ADRA1A: variants seen among roughly 807,000 people sequenced by gnomAD.
ADRA1A encodes alpha-1A adrenergic receptor.
A neutral mutation model predicts 29.6 loss-of-function variants in ADRA1A; 31 were observed. The observed-to-expected ratio is 1.05, with a 90% CI of 0.79 to 1.41. The LOEUF (loss-of-function observed/expected upper bound fraction) is 1.41. Ranked by LOEUF, ADRA1A falls within the 40% of genes most tolerant of loss-of-function variation. ADRA1A has a pLI of 0.00. For synonymous variants in ADRA1A, 311 were observed against 254.3 expected (o/e 1.22, Z -2.12); for missense variants, 619 against 601.1 (o/e 1.03, Z -0.31).
chr8:26,785,994 C>T (rs1285850234), intron 2 of ADRA1A, among the ~76,000 whole-genome samples: 3 of 152,070 alleles, frequency 2.0e-5, no homozygotes, highest in African/African-American at 4.8e-5. Flanking sequence ...TTGTTGATCT[C>T]CTGCATGCCT....
chr8:26,798,733 G>A (rs1808359864), intron 2 of ADRA1A, among the ~76,000 whole-genome samples: 1 of 152,076 alleles, frequency 6.6e-6, no homozygotes, highest in Non-Finnish European at 1.5e-5. Context: ...GGTTATGTAG[G>A]TTACCATTAT....
chr8:26,783,466 A>G lies in ADRA1A; in HGVS notation c.884-12800T>C, dbSNP rs1311625740. On this transcript the variant is annotated intron_variant, in intron 2 of 2. Coordinates refer to ENST00000380573, the MANE Select transcript of ADRA1A (RefSeq NM_000680.4). ...CAGAATTTAATTTTAAGAAATAAAT[A>G]TACGTCTCCTATAAGGCAGTGTGTC... Among the ~76,000 whole-genome samples the G allele has an allele frequency of 2.6e-5, 4 of 152,350 alleles. No individual in the cohort carries two copies. The East Asian group carries it at 7.7e-4, about 29-fold the overall frequency.
chr8:26,805,822 T>C lies in ADRA1A; in HGVS notation c.884-35156A>G, dbSNP rs1044532962. On this transcript the variant is annotated intron_variant, in intron 2 of 2. Transcript: ENST00000380573. This position sits in a 1 kb window ranked among gnomAD's most constrained non-coding sequence, Gnocchi z 4.8. ...CTTGAACACATTTATTTTTAACCAT[T>C]TTCCCCCCCACATAGATTTGGCATT... Among the ~76,000 whole-genome samples the C allele has an allele frequency of 6.6e-6, 1 of 152,152 alleles. No individual in the cohort carries two copies. The highest frequency in any genetic ancestry group is 2.1e-4 in the South Asian group (1 of 4,818).
rs1813765375 is a variant in ADRA1A at position 26,864,700 on chromosome 8, G to A, written c.270C>T (p.Gly90=). Residue 90 remains glycine (G), a synonymous_variant, in exon 2 of 3, where the codon GGC becomes GGT. Coordinates refer to ENST00000380573, the MANE Select transcript of ADRA1A (RefSeq NM_000680.4). The surrounding 1 kb of genome is among the most constrained non-coding windows in gnomAD (Gnocchi z 8.1). ...AGAAGACCCTGCCGAAGGCCCAGTAGCCTAGGACCTCGAAGATGGCGGAGA... is the reference window on the plus strand; with the variant it reads ...AGAAGACCCTGCCGAAGGCCCAGTAACCTAGGACCTCGAAGATGGCGGAGA... ...LPFSAIFEVL[G]YWAFGRVFCN... 1 of 1,614,192 alleles carries A rather than the reference G, an allele frequency of 6.2e-7. No homozygotes were observed. Among genetic ancestry groups the A allele is most frequent in the Non-Finnish European group, 8.5e-7 (1 of 1,180,042 alleles).
chr8:26,774,356 C>T (rs1356547781), intron 2 of ADRA1A, among the ~76,000 whole-genome samples: 1 of 152,186 alleles, frequency 6.6e-6, no homozygotes, highest in Non-Finnish European at 1.5e-5. Flanking sequence ...CCTTCAAGAA[C>T]TTTCCAAAGA....
downstream of ADRA1A, among the ~76,000 whole-genome samples, chr8:26,752,869 T>G (rs1804979239): frequency 6.6e-6 from 1 of 152,182 alleles, no homozygotes; most frequent in Non-Finnish European, 1.5e-5. Flanking sequence ...ATCTTTAACT[T>G]CATGGTTTTA....
At chr8:26,810,486 C>A (rs1312959029) in intron 2 of ADRA1A, among the ~76,000 whole-genome samples, 3 of 152,162 alleles carry the variant, frequency 2.0e-5, no homozygotes. Context: ...GTTCAAGGGT[C>A]TTAGTTGAAG....
In ADRA1A at chr8:26,825,892, G is replaced by A. The variant is rs1563284355; in HGVS notation, c.883+38195C>T. Among the ~76,000 whole-genome samples, 1 of 152,220 alleles carries A rather than the reference G, an allele frequency of 6.6e-6. No homozygotes were observed. The highest frequency in any genetic ancestry group is 1.5e-5 in the Non-Finnish European group (1 of 68,042). ...CACTGGTGTTTGCATGAGGACATGAGCCCCATTCCTTGAATTCCTACAATG... is the reference window on the plus strand; with the variant it reads ...CACTGGTGTTTGCATGAGGACATGAACCCCATTCCTTGAATTCCTACAATG... On this transcript the variant is annotated intron_variant, in intron 2 of 2. Coordinates refer to ENST00000380573, the MANE Select transcript of ADRA1A (RefSeq NM_000680.4). This position sits in a 1 kb window ranked among gnomAD's most constrained non-coding sequence, Gnocchi z 5.7.
intron 2 of ADRA1A, among the ~76,000 whole-genome samples, chr8:26,807,021 C>T (rs1198121429): frequency 1.3e-5 from 2 of 152,280 alleles, no homozygotes; most frequent in African/African-American, 4.8e-5. Context: ...GTTCACTGAA[C>T]GAGCTTACTA....
chr8:26,790,570 T>C (rs1177517384), intron 2 of ADRA1A, among the ~76,000 whole-genome samples: 1 of 152,074 alleles, frequency 6.6e-6, no homozygotes. Context: ...AGTTAAAAAG[T>C]TGTGATATAT....
intron 2 of ADRA1A, among the ~76,000 whole-genome samples, chr8:26,808,869 T>A: frequency 6.6e-6 from 1 of 152,268 alleles, no homozygotes; most frequent in East Asian, 1.9e-4. Flanking sequence ...TTACATGTCT[T>A]CTGCAATAAT....
chr8:26,824,709 A>G (rs1431634186), intron 2 of ADRA1A, among the ~76,000 whole-genome samples: 6 of 152,132 alleles, frequency 3.9e-5, no homozygotes, highest in African/African-American at 1.4e-4. Context: ...ATGCTTTCTG[A>G]GCCAAGTGAA....
intron 2 of ADRA1A, among the ~76,000 whole-genome samples, chr8:26,795,571 G>A (rs112575869): frequency 3.2e-3 from 493 of 151,962 alleles, no homozygotes; most frequent in Non-Finnish European, 5.7e-3. Flanking sequence ...ATAGAATATC[G>A]CCACTTTGCA....
At chr8:26,762,334 G>T (rs903818474), downstream of ADRA1A, among the ~76,000 whole-genome samples, 2 of 152,116 alleles carry the variant, frequency 1.3e-5, no homozygotes, top group African/African-American at 4.8e-5. The surrounding 1 kb of genome is among the most constrained non-coding windows in gnomAD (Gnocchi z 4.0). Context: ...AAAAGTCATT[G>T]GGGGCCTTCA....
At chr8:26,765,854 A>C (rs938908616), downstream of ADRA1A, 17 of 1,408,448 alleles carry the variant, frequency 1.2e-5, no homozygotes, top group Non-Finnish European at 1.6e-5. Flanking sequence ...AGCTGTGATC[A>C]GAGTGAAAAA....
rs978708817 is a variant in ADRA1A at position 26,805,722 on chromosome 8, C to A, written c.884-35056G>T. ...GCTATGAAAAGTATTACAAGGCTTT[C>A]TTTTTTGTGTTGCTTCTACCTGGTA... On this transcript the variant is annotated intron_variant, in intron 2 of 2. Coordinates refer to ENST00000380573, the MANE Select transcript of ADRA1A (RefSeq NM_000680.4). This position sits in a 1 kb window ranked among gnomAD's most constrained non-coding sequence, Gnocchi z 4.8. Among the ~76,000 whole-genome samples, 4 of 152,102 alleles carry A rather than the reference C, an allele frequency of 2.6e-5. No homozygotes were observed. Among genetic ancestry groups the A allele is most frequent in the African/African-American group, 9.7e-5 (4 of 41,436 alleles).
intron 2 of ADRA1A, among the ~76,000 whole-genome samples, chr8:26,819,845 A>G (rs1810029228): frequency 6.6e-6 from 1 of 152,194 alleles, no homozygotes; most frequent in Admixed American, 6.5e-5. Context: ...AGATCCAAAA[A>G]CATGCTGCCT....
At chr8:26,749,294 C>T (rs938314100) in intron 2 of ADRA1A, among the ~76,000 whole-genome samples, 1 of 152,158 alleles carries the variant, frequency 6.6e-6, no homozygotes, top group Non-Finnish European at 1.5e-5. Flanking sequence ...GGGCTGATGG[C>T]TCAATCACTG....
chr8:26,854,104 G>A (rs1221768453), intron 2 of ADRA1A: 1 of 152,076 alleles, frequency 6.6e-6, no homozygotes, highest in Non-Finnish European at 1.5e-5. Context: ...GTCCCCTTTA[G>A]CCAGAACAAG....
Sources: gnomAD v4.1 joint callset for allele counts (sites outside exome capture counted in the v4.1 genomes callset) on GRCh38, gnomAD v4.1.1 for gene constraint, Gnocchi (gnomAD v3.1) non-coding constraint, MANE v1.5 for transcripts, NCBI Gene and HGNC (gene_info 2026-07-23, HGNC 2026-07-21) for gene names.